ADGRL3: variants seen among roughly 807,000 people sequenced by gnomAD.
ADGRL3 encodes adhesion G protein-coupled receptor L3.
In ADGRL3, 62 loss-of-function variants were observed where a neutral mutation model predicts 153.5. The observed-to-expected ratio is 0.40, with a 90% CI of 0.33 to 0.50. The LOEUF is 0.50. ADGRL3 is among the 20% of genes least tolerant of loss of function. ADGRL3 has a pLI of 0.47. For missense variants in ADGRL3, 1,641 were observed against 1,859.4 expected, an observed-to-expected ratio of 0.88 and a Z score of 2.16; for synonymous variants, 710 against 672.5, an observed-to-expected ratio of 1.06 and a Z score of -0.86.
chr4:61,867,711 A>G (rs1385102764), intron 9 of ADGRL3, among the ~76,000 whole-genome samples: 3 of 151,430 alleles, frequency 2.0e-5, no homozygotes, highest in Admixed American at 1.3e-4. Flanking sequence ...TGTCTGTTTT[A>G]TGCTAAGTCT....
intron 9 of ADGRL3, among the ~76,000 whole-genome samples, chr4:61,868,052 T>A (rs2098413907): frequency 6.6e-6 from 1 of 152,174 alleles, no homozygotes; most frequent in Non-Finnish European, 1.5e-5. Context: ...TCAGCTTAGC[T>A]AGTGGTTTAC....
intron 1 of ADGRL3, among the ~76,000 whole-genome samples, chr4:61,285,716 G>C (rs2093912206): frequency 6.6e-6 from 1 of 151,782 alleles, no homozygotes. Flanking sequence ...TGTATATTTT[G>C]TGAAATGCTT....
intron 8 of ADGRL3, among the ~76,000 whole-genome samples, chr4:61,781,344 A>G (rs997832637): frequency 1.1e-4 from 16 of 151,424 alleles, no homozygotes; most frequent in Admixed American, 4.6e-4. Context: ...AAAAAAAAAA[A>G]AAAGAAAAGA....
chr4:61,429,865 T>C (rs1578810672), intron 2 of ADGRL3, among the ~76,000 whole-genome samples: 1 of 152,136 alleles, frequency 6.6e-6, no homozygotes, highest in East Asian at 1.9e-4. Context: ...TAGCTTGAAT[T>C]TATTTACCAC....
intron 4 of ADGRL3, among the ~76,000 whole-genome samples, chr4:61,566,360 C>T (rs1307673612): frequency 6.6e-6 from 1 of 152,116 alleles, no homozygotes; most frequent in Non-Finnish European, 1.5e-5. Flanking sequence ...TTAACTTAAT[C>T]ACTTCTGTAA....
intron 2 of ADGRL3, among the ~76,000 whole-genome samples, chr4:61,458,675 A>G (rs2097778948): frequency 6.6e-6 from 1 of 151,628 alleles, no homozygotes; most frequent in Non-Finnish European, 1.5e-5. Context: ...AATTTACCTT[A>G]TCAAATTAAT....
intron 4 of ADGRL3, among the ~76,000 whole-genome samples, chr4:61,564,052 C>T (rs750527688): frequency 7.9e-5 from 12 of 152,100 alleles, no homozygotes; most frequent in Non-Finnish European, 1.5e-4. Flanking sequence ...GAACCAACTT[C>T]TGCTAGCTTC....
chr4:61,766,748 T>G (rs185986636), intron 8 of ADGRL3, among the ~76,000 whole-genome samples: 5,215 of 151,216 alleles, frequency 0.034, 112 homozygotes, highest in East Asian at 0.099. Flanking sequence ...AGGCTGGGAT[T>G]AAGGGTGCAA....
rs371291042 is a variant in ADGRL3 at position 61,206,549 on chromosome 4, T to G, written c.-240+4784T>G. The stretch of plus-strand genomic sequence containing the variant: ...ATTCTTTAACACGTGTTCAGTGGAG[T>G]TTTCCAGAAGGTATATGATATGTGA... On this transcript the variant is annotated intron_variant, in intron 1 of 26. Transcript: ENST00000683033. Among the ~76,000 whole-genome samples, 15 of 152,218 alleles carry G rather than the reference T, an allele frequency of 9.9e-5. No individual in the cohort carries two copies. In the East Asian group the frequency reaches 1.9e-3, roughly 20 times the overall value.
chr4:61,391,446 T>C (rs1278818740), intron 2 of ADGRL3, among the ~76,000 whole-genome samples: 1 of 152,180 alleles, frequency 6.6e-6, no homozygotes, highest in African/African-American at 2.4e-5. Context: ...GCTACACCTC[T>C]GGCATTAGGG....
chr4:62,016,960 A>T (rs1441516776), intron 21 of ADGRL3, among the ~76,000 whole-genome samples: 1 of 151,990 alleles, frequency 6.6e-6, no homozygotes, highest in Non-Finnish European at 1.5e-5. Context: ...ATTAGGTATG[A>T]TATCTAATTT....
chr4:61,666,695 G>A (rs1399137707), intron 5 of ADGRL3, among the ~76,000 whole-genome samples: 1 of 151,996 alleles, frequency 6.6e-6, no homozygotes, highest in Admixed American at 6.6e-5. Context: ...AATATATAAG[G>A]TGCGTATAAC....
intron 1 of ADGRL3, among the ~76,000 whole-genome samples, chr4:61,264,972 G>A (rs2092759420): frequency 6.6e-6 from 1 of 151,910 alleles, no homozygotes; most frequent in Admixed American, 6.6e-5. Flanking sequence ...GTTACAGTTG[G>A]TCTATAAAGT....
intron 21 of ADGRL3, among the ~76,000 whole-genome samples, chr4:62,002,665 A>G (rs751220610): frequency 2.0e-4 from 30 of 152,066 alleles, no homozygotes; most frequent in Non-Finnish European, 3.8e-4. Context: ...ATTAAATAAT[A>G]CATGCCTGTA....
intron 5 of ADGRL3, among the ~76,000 whole-genome samples, chr4:61,594,591 T>A (rs1431109891): frequency 1.3e-5 from 2 of 152,140 alleles, no homozygotes; most frequent in Non-Finnish European, 2.9e-5. Flanking sequence ...AGACTTGTTT[T>A]TTCCCCTTAC....
chr4:61,884,526 G>A (rs560573159), intron 9 of ADGRL3, among the ~76,000 whole-genome samples: 14 of 152,138 alleles, frequency 9.2e-5, no homozygotes, highest in Non-Finnish European at 1.6e-4. Context: ...CCTTACTTAG[G>A]GGATTTAAAC....
intron 9 of ADGRL3, among the ~76,000 whole-genome samples, chr4:61,854,349 A>G (rs1308510778): frequency 6.6e-6 from 1 of 152,210 alleles, no homozygotes; most frequent in Non-Finnish European, 1.5e-5. Flanking sequence ...AATATACAAA[A>G]TAAATCTGGA....
chr4:61,438,862 C>T (rs2097489942), intron 2 of ADGRL3, among the ~76,000 whole-genome samples: 3 of 152,088 alleles, frequency 2.0e-5, no homozygotes, highest in East Asian at 1.9e-4. Context: ...CGCCCGCCAC[C>T]ACGCCCGGCT....
intron 1 of ADGRL3, among the ~76,000 whole-genome samples, chr4:61,238,310 C>T (rs1001046770): frequency 6.6e-6 from 1 of 152,110 alleles, no homozygotes; most frequent in African/African-American, 2.4e-5. Flanking sequence ...TGAGGATTCA[C>T]TTAAGATACA....
Sources: gnomAD v4.1 joint callset for allele counts (sites outside exome capture counted in the v4.1 genomes callset) on GRCh38, gnomAD v4.1.1 for gene constraint, MANE v1.5 for transcripts, NCBI Gene and HGNC (gene_info 2026-07-23, HGNC 2026-07-21) for gene names.